Variants in GGA1 observed in about 807,000 individuals in gnomAD.
The protein encoded by GGA1 is golgi associated, gamma adaptin ear containing, ARF binding protein 1, also known as ADP-ribosylation factor-binding protein GGA1.
GGA1 carries 18 observed loss-of-function variants against 76.9 expected under a neutral mutation model. That is an observed-to-expected ratio of 0.23 (90% CI 0.16 to 0.35). GGA1 has a LOEUF of 0.35. Ranked by LOEUF, GGA1 falls within the 10% of genes least tolerant of loss-of-function variation. The probability of loss-of-function intolerance (pLI) is 1.00; values close to 1 mark genes in which losing one functional copy is unlikely to be tolerated. For missense variants in GGA1, 755 were observed against 859.0 expected (o/e 0.88, Z 1.51); for synonymous variants, 342 against 354.7 (o/e 0.96, Z 0.40).
intron 1 of GGA1, among the ~76,000 whole-genome samples, chr22:37,612,186 C>A (rs1049312531): frequency 4.0e-5 from 6 of 151,124 alleles, no homozygotes; most frequent in African/African-American, 1.5e-4. Flanking sequence ...AAATACAGGC[C>A]GGACGCAGTG....
At position 37,624,450 on chromosome 22, in the gene GGA1, A is replaced by AT. The variant is rs1930436974; in HGVS notation, c.833-517dup. On this transcript the variant is annotated intron_variant, in intron 9 of 16. Coordinates refer to ENST00000343632, the MANE Select transcript of GGA1 (RefSeq NM_013365.5). This position sits in a 1 kb window ranked among gnomAD's most constrained non-coding sequence, Gnocchi z 4.3. ...CAGTCTCTATTTCAAATATATTTAT[A>AT]TTAAAAAAAAAAAAAAAAGGTTGAC... 2 of 143,504 alleles carry AT rather than the reference A, an allele frequency of 1.4e-5. No individual in the cohort carries two copies. Among genetic ancestry groups the AT allele is most frequent in the East Asian group, 2.1e-4 (1 of 4,788 alleles). 8.9% of individuals were successfully genotyped at this position (143,504 alleles called of 1,614,324 possible). A position where few individuals can be genotyped will look rare whatever the true frequency, so the allele number is the denominator to read the frequency against.
chr22:37,622,126 A>G (rs1371981692), intron 7 of GGA1, among the ~76,000 whole-genome samples: 3 of 152,098 alleles, frequency 2.0e-5, no homozygotes, highest in Admixed American at 1.3e-4. Flanking sequence ...TAGCCCAAGC[A>G]GGAGTACAGT....
chr22:37,621,813 C>A, intron 7 of GGA1, 117 bp downstream of exon 7: 2 of 636,592 alleles, frequency 3.1e-6, no homozygotes, highest in Non-Finnish European at 5.4e-6. Flanking sequence ...CCCGGGCTGG[C>A]ACAGCAGAGA....
chr22:37,616,833 G>A, intron 2 of GGA1, 89 bp from the exon 3 acceptor site: 2 of 1,423,244 alleles, frequency 1.4e-6, no homozygotes, highest in South Asian at 1.5e-5. Context: ...CCTTGGAGGA[G>A]GGCTGCAGTC....
At chr22:37,629,796 G>A (rs1931468958) in intron 12 of GGA1, among the ~76,000 whole-genome samples, 1 of 152,182 alleles carries the variant, frequency 6.6e-6, no homozygotes, top group Non-Finnish European at 1.5e-5. Flanking sequence ...TCCCTTGAGG[G>A]TGACAGAGGT....
intron 1 of GGA1, chr22:37,612,875 G>T (rs531081952): frequency 1.0e-6 from 1 of 978,294 alleles, no homozygotes; most frequent in East Asian, 1.1e-4. Flanking sequence ...AGTATTGGGG[G>T]TTAAAGGGGT....
intron 11 of GGA1, chr22:37,626,228 G>C: frequency 3.0e-6 from 1 of 329,984 alleles, no homozygotes; most frequent in Admixed American, 4.9e-5. Flanking sequence ...GGGGAAACCA[G>C]GGGATTTCCC....
At chr22:37,620,152 G>A (rs1450607665) in intron 4 of GGA1, 86 bp from the exon 5 acceptor site, 1 of 1,496,930 alleles carries the variant, frequency 6.7e-7, no homozygotes, top group Non-Finnish European at 9.3e-7. Flanking sequence ...GGGAGTCCTG[G>A]GGAGGCAGTA....
At chr22:37,614,745 G>A (rs1053338971) in intron 2 of GGA1, among the ~76,000 whole-genome samples, 20 of 151,774 alleles carry the variant, frequency 1.3e-4, no homozygotes, top group Non-Finnish European at 2.5e-4. Flanking sequence ...TTGGAAGGCC[G>A]AAGTGGGTGG....
Position 37,631,062 on chromosome 22 carries a change from G to A in GGA1, c.1491G>A (p.Leu497=). The change falls in exon 14 of 17, where the codon CTG becomes CTA. Residue 497 remains leucine, a synonymous_variant. Coordinates refer to ENST00000343632, the MANE Select transcript of GGA1 (RefSeq NM_013365.5). ...PQQPVPTELS[L]ASITVPLESI... ...AGCCCGTACCAACCGAGCTCTCACTGGCCAGCATCACTGTGCCCCTGGAGT... is the reference window on the plus strand; with the variant it reads ...AGCCCGTACCAACCGAGCTCTCACTAGCCAGCATCACTGTGCCCCTGGAGT... 1.2e-6 allele frequency: 2 copies of A among 1,606,634 alleles called. No homozygotes were observed. The highest frequency in any genetic ancestry group is 1.7e-6 in the Non-Finnish European group (2 of 1,177,324).
chr22:37,623,411 G>A lies in GGA1; in HGVS notation c.694G>A (p.Val232Met). The stretch of plus-strand genomic sequence containing the variant: ...CAATGTGAAACTGCTCACGGAGATG[G>A]TGATGAGCCACAGCCAGGGCGGCGC... ...NNNVKLLTEM[V>M]MSHSQGGAAA... Residue 232 changes from valine to methionine, a missense_variant, in exon 8 of 17, where the codon GTG becomes ATG. Transcript: ENST00000343632. This position sits in a 1 kb window ranked among gnomAD's most constrained non-coding sequence, Gnocchi z 4.6. The A allele has an allele frequency of 6.2e-7, 1 of 1,614,008 alleles. No individual in the cohort carries two copies. Among genetic ancestry groups the A allele is most frequent in the Non-Finnish European group, 8.5e-7 (1 of 1,179,890 alleles).
intron 1 of GGA1, chr22:37,609,151 G>A: frequency 1.4e-6 from 2 of 1,456,356 alleles, no homozygotes; most frequent in Admixed American, 2.4e-5. Context: ...CCCTGGGACG[G>A]CGAGTGAGCT....
chr22:37,632,014 CTG>C lies in GGA1; in HGVS notation c.1551_1552del (p.Tyr518Ter). On this transcript the variant is annotated frameshift_variant, in exon 15 of 17. Transcript: ENST00000343632. LOFTEE classifies it high-confidence loss of function. The surrounding 1 kb of genome is among the most constrained non-coding windows in gnomAD (Gnocchi z 5.1). ...CCCACAGGCAACATCCTGCCCGTGA[CTG>C]TGTATGACCAGCACGGCTTCCGCAT... is the stretch of plus-strand genomic sequence containing the variant. The C allele has an allele frequency of 6.2e-7, 1 of 1,611,550 alleles. No individual in the cohort carries two copies. The highest frequency in any genetic ancestry group is 8.5e-7 in the Non-Finnish European group (1 of 1,179,000).
chr22:37,631,134 G>A, intron 14 of GGA1, 35 bp downstream of exon 14: 3 of 1,470,442 alleles, frequency 2.0e-6, no homozygotes, highest in Admixed American at 4.8e-5. Flanking sequence ...GGCTGGGTTG[G>A]GTCAGCTTGC....
At chr22:37,622,151 T>C (rs1019598983) in intron 7 of GGA1, among the ~76,000 whole-genome samples, 6 of 152,064 alleles carry the variant, frequency 3.9e-5, no homozygotes, top group Non-Finnish European at 8.8e-5. Context: ...TGATCATGGC[T>C]CATTGCAGCC....
At position 37,630,208 on chromosome 22, in the gene GGA1, C is replaced by T. The variant is rs199872714; in HGVS notation, c.1331+38C>T. 8.9e-6 allele frequency: 13 copies of T among 1,455,130 alleles called. No individual in the cohort carries two copies. The East Asian group carries it at 2.8e-4, about 31-fold the overall frequency. 90.1% of individuals were successfully genotyped at this position (1,455,130 alleles called of 1,614,324 possible). A position where few individuals can be genotyped will look rare whatever the true frequency, so the allele number is the denominator to read the frequency against. ...CATGGCTGGCATGGGGTGGGGAGCA[C>T]TCCCTGTTCCCACAAACCAGCAACT... On this transcript the variant is annotated intron_variant, in intron 13 of 16. Transcript: ENST00000343632.
In GGA1 at chr22:37,632,081, C is replaced by T. The variant is rs752914604; in HGVS notation, c.1614C>T (p.Ser538=). 55 of 1,613,642 alleles carry T rather than the reference C, an allele frequency of 3.4e-5. No individual in the cohort carries two copies. The Middle Eastern group carries it at 9.9e-4, about 29-fold the overall frequency. ...CCCGGGACCCACTGCCAGGGCGCTC[C>T]GACGTGCTGGTGGTGGTGGTTTCCA... is the stretch of plus-strand genomic sequence containing the variant. The part of the protein sequence containing the change: ...HFARDPLPGR[S]DVLVVVVSML... The change falls in exon 15 of 17, where the codon TCC becomes TCT. Residue 538 remains serine, a synonymous_variant. Transcript: ENST00000343632. The surrounding 1 kb of genome is among the most constrained non-coding windows in gnomAD (Gnocchi z 5.1).
At chr22:37,612,843 T>G (rs1213265060) in intron 1 of GGA1, 2 of 818,616 alleles carry the variant, frequency 2.4e-6, no homozygotes, top group East Asian at 1.2e-4. Flanking sequence ...GGGAAGCATG[T>G]AAGCTAGATT....
At chr22:37,617,683 A>G (rs566405730) in intron 3 of GGA1, 1 of 629,792 alleles carries the variant, frequency 1.6e-6, no homozygotes, top group South Asian at 7.2e-5. Context: ...TGGACAACAG[A>G]GTGAGACCCC....
Sources: gnomAD v4.1 joint callset for allele counts (sites outside exome capture counted in the v4.1 genomes callset) on GRCh38, gnomAD v4.1.1 for gene constraint, Gnocchi (gnomAD v3.1) non-coding constraint, MANE v1.5 for transcripts, NCBI Gene and HGNC (gene_info 2026-07-23, HGNC 2026-07-21) for gene names.